FAM135A: variants seen among roughly 807,000 people sequenced by gnomAD.
FAM135A encodes protein FAM135A.
In FAM135A, 79 loss-of-function variants were observed where a neutral mutation model predicts 146.8. The ratio of observed to expected loss-of-function variants is 0.54; its 90% CI spans 0.45 to 0.65. The LOEUF (loss-of-function observed/expected upper bound fraction) is 0.65. Among genes scored for constraint, FAM135A ranks in the 30% least tolerant of loss-of-function variants. The probability of loss-of-function intolerance (pLI) is 0.00; values close to 1 mark genes in which losing one functional copy is unlikely to be tolerated. For missense variants in FAM135A, 1,623 were observed against 1,758.2 expected, an observed-to-expected ratio of 0.92 and a Z score of 1.38; for synonymous variants, 562 against 603.6, an observed-to-expected ratio of 0.93 and a Z score of 1.01.
At chr6:70,546,494 C>G (rs1384122413) in intron 20 of FAM135A, among the ~76,000 whole-genome samples, 2 of 152,158 alleles carry the variant, frequency 1.3e-5, no homozygotes. Context: ...TTTTTCTATG[C>G]AACATATCAT....
chr6:70,488,403 T>A (rs111691496), intron 10 of FAM135A, among the ~76,000 whole-genome samples: 368 of 152,162 alleles, frequency 2.4e-3, no homozygotes, highest in African/African-American at 8.2e-3. Flanking sequence ...TGTATATGTA[T>A]ATTTGAAAAA....
rs1296187964 is a variant in FAM135A at position 70,524,439 on chromosome 6, T to C, written c.1355T>C (p.Leu452Pro). The change falls in exon 15 of 22, where the codon CTT (leucine) becomes CCT (proline). Residue 452 changes from leucine to proline, a missense_variant. Physicochemically the swap from Leu to Pro is moderately conservative, Grantham distance 98. Coordinates refer to ENST00000418814, the MANE Select transcript of FAM135A (RefSeq NM_001162529.3). ...YETEESSVAGLSSPELKVRPA... is the reference protein window; with the variant it reads ...YETEESSVAGPSSPELKVRPA... ...ACTGAAGAAAGCTCTGTAGCAGGACTTTCTAGCCCAGAGTTGAAAGTCAGA... is the reference window on the plus strand; with the variant it reads ...ACTGAAGAAAGCTCTGTAGCAGGACCTTCTAGCCCAGAGTTGAAAGTCAGA... The C allele has an allele frequency of 7.1e-6, 11 of 1,546,692 alleles. No homozygotes were observed. In the East Asian group the frequency reaches 1.2e-4, roughly 17 times the overall value.
At chr6:70,479,777 T>C (rs906747509) in intron 8 of FAM135A, among the ~76,000 whole-genome samples, 11 of 152,212 alleles carry the variant, frequency 7.2e-5, no homozygotes, top group African/African-American at 2.2e-4. Flanking sequence ...AAACAATTTT[T>C]ATGGTCAATG....
chr6:70,418,732 AG>A (rs2127693244), intron 2 of FAM135A, among the ~76,000 whole-genome samples: 1 of 152,372 alleles, frequency 6.6e-6, no homozygotes, highest in Non-Finnish European at 1.5e-5. Context: ...CCAATCAAGA[AG>A]GAAACTGAAT....
intron 16 of FAM135A, among the ~76,000 whole-genome samples, chr6:70,532,122 C>T (rs1029594341): frequency 4.6e-5 from 7 of 151,756 alleles, no homozygotes; most frequent in Non-Finnish European, 1.0e-4. Flanking sequence ...GTGATCCACC[C>T]GCCACAGCCT....
intron 2 of FAM135A, among the ~76,000 whole-genome samples, chr6:70,422,688 A>G (rs144544913): frequency 3.3e-5 from 5 of 152,344 alleles, no homozygotes; most frequent in Admixed American, 6.5e-5. Context: ...TGCTTTCAGT[A>G]TATCAGTGTA....
intron 2 of FAM135A, among the ~76,000 whole-genome samples, chr6:70,417,949 G>A (rs543094802): frequency 2.0e-5 from 3 of 152,260 alleles, no homozygotes; most frequent in South Asian, 4.2e-4. Flanking sequence ...TCTAAAAAGC[G>A]ATTCTCATTG....
intron 20 of FAM135A, among the ~76,000 whole-genome samples, chr6:70,543,186 C>A (rs1798246509): frequency 6.6e-6 from 1 of 152,038 alleles, no homozygotes; most frequent in Non-Finnish European, 1.5e-5. Context: ...TAAATCTAGC[C>A]CATATATTCA....
chr6:70,494,053 CAAAAA>C (rs35693076), intron 11 of FAM135A, among the ~76,000 whole-genome samples: 1 of 81,988 alleles, frequency 1.2e-5, no homozygotes, highest in Non-Finnish European at 2.5e-5. Flanking sequence ...GACTCTGTCT[CAAAAA>C]AAAAAAAAAA....
At chr6:70,521,044 CTT>C (rs1209468548) in intron 12 of FAM135A, among the ~76,000 whole-genome samples, 2 of 152,146 alleles carry the variant, frequency 1.3e-5, no homozygotes, top group African/African-American at 4.8e-5. Flanking sequence ...CTCTTTGTGT[CTT>C]TGTTTCCTCA....
chr6:70,448,131 G>C (rs149935967), intron 4 of FAM135A, among the ~76,000 whole-genome samples: 1 of 152,082 alleles, frequency 6.6e-6, no homozygotes. Context: ...TATTCAAGGC[G>C]CTGCTTGAAC....
In FAM135A at chr6:70,464,662, TTTTTC is replaced by T. The variant is rs1160649737; in HGVS notation, c.158-10743_158-10739del. Reference sequence around the variant, plus strand: ...AATTTCTTTCTTTCTTTCTTTCTTTTTTTTCTTTTTTTTTTTTTTTTGAGACAGTC... The same window carrying T: ...AATTTCTTTCTTTCTTTCTTTCTTTTTTTTTTTTTTTTTTTTGAGACAGTC... On this transcript the variant is annotated intron_variant, in intron 5 of 21. Transcript: ENST00000418814. Among the ~76,000 whole-genome samples, 511 of 107,414 alleles carry T rather than the reference TTTTTC, an allele frequency of 4.8e-3. 9 individuals carry two copies. Among genetic ancestry groups the T allele is most frequent in the African/African-American group, 0.016 (460 of 29,148 alleles). The allele number at this position is 107,414 out of a possible 152,430, so 70.5% of individuals were successfully genotyped here.
chr6:70,491,191 G>A, intron 11 of FAM135A, 108 bp downstream of exon 11: 1 of 910,068 alleles, frequency 1.1e-6, no homozygotes, highest in Non-Finnish European at 1.6e-6. Flanking sequence ...TTCCTAAAAT[G>A]CAAAGATAAA....
At chr6:70,511,404 T>C (rs942001826) in intron 12 of FAM135A, among the ~76,000 whole-genome samples, 1 of 151,864 alleles carries the variant, frequency 6.6e-6, no homozygotes, top group Non-Finnish European at 1.5e-5. Context: ...TGAGAGAAAG[T>C]ATTGTGCTTA....
chr6:70,479,740 T>A lies in FAM135A; in HGVS notation c.543-1161T>A, dbSNP rs184893008. On this transcript the variant is annotated intron_variant, in intron 8 of 21. Coordinates refer to ENST00000418814, the MANE Select transcript of FAM135A (RefSeq NM_001162529.3). Reference sequence around the variant, plus strand: ...TTGAAAAATTTTTAATTTATAACATTATCTTTTAAATTTTCATTTTTATTT... The same window carrying A: ...TTGAAAAATTTTTAATTTATAACATAATCTTTTAAATTTTCATTTTTATTT... 1.6e-4 allele frequency among the ~76,000 whole-genome samples: 25 copies of A among 152,286 alleles called. 1 individual carries two copies. In the East Asian group the frequency reaches 4.8e-3, roughly 29 times the overall value.
chr6:70,452,413 T>G lies in FAM135A; in HGVS notation c.78-79T>G, dbSNP rs1252991891. 8.0e-6 allele frequency: 8 copies of G among 998,250 alleles called. No individual in the cohort carries two copies. The East Asian group carries it at 1.6e-4, about 20-fold the overall frequency. 61.8% of individuals were successfully genotyped at this position (998,250 alleles called of 1,614,324 possible). The stretch of plus-strand genomic sequence containing the variant: ...TTAGGCCAACTTTATTATTTTAATA[T>G]GGATACAAATGTGGAAGTCGGGGCA... On this transcript the variant is annotated intron_variant, in intron 4 of 21. Coordinates refer to ENST00000418814, the MANE Select transcript of FAM135A (RefSeq NM_001162529.3).
chr6:70,488,878 C>G (rs1405689582), intron 10 of FAM135A, among the ~76,000 whole-genome samples: 1 of 152,004 alleles, frequency 6.6e-6, no homozygotes, highest in Non-Finnish European at 1.5e-5. Flanking sequence ...ATATATGTCA[C>G]TTTAAAAAGA....
At chr6:70,433,763 G>A (rs1367684991) in intron 4 of FAM135A, among the ~76,000 whole-genome samples, 3 of 151,980 alleles carry the variant, frequency 2.0e-5, no homozygotes, top group Non-Finnish European at 2.9e-5. Flanking sequence ...TAGACTTATC[G>A]GGTGTAATAG....
chr6:70,533,161 A>G lies in FAM135A; in HGVS notation c.3777A>G (p.Gly1259=). 4 of 1,611,404 alleles carry G rather than the reference A, an allele frequency of 2.5e-6. No individual in the cohort carries two copies. The highest frequency in any genetic ancestry group is 3.4e-6 in the Non-Finnish European group (4 of 1,178,130). The change falls in exon 17 of 22, where the codon GGA becomes GGG. Residue 1259 remains glycine, a splice_region_variant and synonymous_variant. Coordinates refer to ENST00000418814, the MANE Select transcript of FAM135A (RefSeq NM_001162529.3). ...TAAACATCATTTTTCATTTTTTAGG[A>G]AACAGTGCAGATCTCCGATTAGTAA... is the stretch of plus-strand genomic sequence containing the variant. ...HLIVCVHGLD[G]NSADLRLVKT... is the part of the protein sequence containing the mutation.
Sources: gnomAD v4.1 joint callset for allele counts (sites outside exome capture counted in the v4.1 genomes callset) on GRCh38, gnomAD v4.1.1 for gene constraint, MANE v1.5 for transcripts, NCBI Gene and HGNC (gene_info 2026-07-23, HGNC 2026-07-21) for gene names.